The following B3GALT1 variants were observed in gnomAD, a reference collection of about 807,000 sequenced individuals.
B3GALT1 encodes the protein UDP-Gal:betaGlcNAc beta 1,3-galactosyltransferase, polypeptide 1.
A neutral mutation model predicts 23.2 loss-of-function variants in B3GALT1; 10 were observed. The observed-to-expected ratio is 0.43, with a 90% CI of 0.27 to 0.73. The LOEUF is 0.73. B3GALT1 is among the 30% of genes least tolerant of loss of function. The probability of loss-of-function intolerance (pLI) is 0.21; values close to 1 mark genes in which losing one functional copy is unlikely to be tolerated. For missense variants in B3GALT1, 299 were observed against 405.4 expected, an observed-to-expected ratio of 0.74 and a Z score of 2.25; for synonymous variants, 156 against 141.5, an observed-to-expected ratio of 1.10 and a Z score of -0.73.
intron 4 of B3GALT1, among the ~76,000 whole-genome samples, chr2:167,831,954 T>C (rs1485197530): frequency 1.3e-5 from 2 of 152,156 alleles, no homozygotes; most frequent in Non-Finnish European, 2.9e-5. Context: ...AAAACATGAA[T>C]CTGTGGCACT....
chr2:167,576,107 T>C (rs992582284), intron 2 of B3GALT1, among the ~76,000 whole-genome samples: 1 of 151,770 alleles, frequency 6.6e-6, no homozygotes, highest in Non-Finnish European at 1.5e-5. Flanking sequence ...GACTCTGATT[T>C]TTGTTCCAGG....
chr2:167,671,099 A>G (rs560701859), intron 3 of B3GALT1, among the ~76,000 whole-genome samples: 1 of 152,368 alleles, frequency 6.6e-6, no homozygotes, highest in South Asian at 2.1e-4. Flanking sequence ...GAAGGTCATC[A>G]TATAATGACA....
At chr2:167,507,056 TA>T (rs1388309906) in intron 2 of B3GALT1, among the ~76,000 whole-genome samples, 1 of 152,098 alleles carries the variant, frequency 6.6e-6, no homozygotes. Flanking sequence ...TTGTCAAGAC[TA>T]AAACCGTAAA....
chr2:167,735,691 C>A (rs1687481410), intron 3 of B3GALT1, among the ~76,000 whole-genome samples: 1 of 152,144 alleles, frequency 6.6e-6, no homozygotes, highest in African/African-American at 2.4e-5. Context: ...TGAAATAATG[C>A]ATAATGATTC....
At chr2:167,684,418 G>A (rs1686583194) in intron 3 of B3GALT1, among the ~76,000 whole-genome samples, 1 of 152,164 alleles carries the variant, frequency 6.6e-6, no homozygotes, top group South Asian at 2.1e-4. Context: ...TGGAAAGCCA[G>A]ACAGCAACAA....
chr2:167,608,162 A>G (rs116126061), intron 2 of B3GALT1, among the ~76,000 whole-genome samples: 1,630 of 152,298 alleles, frequency 0.011, 34 homozygotes, highest in African/African-American at 0.037. Flanking sequence ...TATTATGATT[A>G]CTTGGTACCT....
At chr2:167,609,564 T>G (rs923807179) in intron 2 of B3GALT1, among the ~76,000 whole-genome samples, 4 of 152,136 alleles carry the variant, frequency 2.6e-5, no homozygotes, top group African/African-American at 9.7e-5. Context: ...TTCCAGTGGT[T>G]GTTACATACT....
chr2:167,692,091 G>A (rs72875092), intron 3 of B3GALT1, among the ~76,000 whole-genome samples: 15,906 of 152,140 alleles, frequency 0.1, 1,092 homozygotes, highest in Middle Eastern at 0.21. Flanking sequence ...CTGTGGCCAG[G>A]TGTATTTGCC....
intron 3 of B3GALT1, among the ~76,000 whole-genome samples, chr2:167,687,118 C>T (rs565962702): frequency 6.6e-6 from 1 of 152,204 alleles, no homozygotes; most frequent in South Asian, 2.1e-4. Context: ...GTGCTCTGAC[C>T]CTGAGTGACA....
At chr2:167,627,994 T>G (rs575077211) in intron 2 of B3GALT1, among the ~76,000 whole-genome samples, 41 of 151,896 alleles carry the variant, frequency 2.7e-4, no homozygotes, top group African/African-American at 9.9e-4. Context: ...TCTACCTGCC[T>G]CAATTCTTTG....
intron 2 of B3GALT1, among the ~76,000 whole-genome samples, chr2:167,585,103 T>C (rs529948228): frequency 6.6e-6 from 1 of 152,302 alleles, no homozygotes; most frequent in South Asian, 2.1e-4. Flanking sequence ...ACCAGTCATC[T>C]TATTAACAGG....
At chr2:167,492,813 T>A (rs947037686) in intron 2 of B3GALT1, among the ~76,000 whole-genome samples, 3 of 152,078 alleles carry the variant, frequency 2.0e-5, no homozygotes, top group Admixed American at 6.6e-5. Context: ...TGATCAAGAA[T>A]CTGAGGTTTT....
chr2:167,466,052 G>T (rs1250633695), intron 1 of B3GALT1, among the ~76,000 whole-genome samples: 1 of 152,126 alleles, frequency 6.6e-6, no homozygotes, highest in Non-Finnish European at 1.5e-5. Flanking sequence ...TCAGACCTTG[G>T]TGTCCCAACT....
chr2:167,853,669 A>G (rs1689946883), intron 4 of B3GALT1, among the ~76,000 whole-genome samples: 1 of 152,210 alleles, frequency 6.6e-6, no homozygotes, highest in Admixed American at 6.5e-5. Flanking sequence ...AAAAAGAATA[A>G]CAAGTTGTCA....
chr2:167,570,723 A>T (rs2105399845), intron 2 of B3GALT1, among the ~76,000 whole-genome samples: 1 of 152,016 alleles, frequency 6.6e-6, no homozygotes, highest in East Asian at 1.9e-4. Flanking sequence ...GAAAGATTTT[A>T]ATCAGTGTTC....
At chr2:167,835,427 T>C (rs1175968718) in intron 4 of B3GALT1, among the ~76,000 whole-genome samples, 3 of 152,206 alleles carry the variant, frequency 2.0e-5, no homozygotes, top group African/African-American at 7.2e-5. Flanking sequence ...GTCTCGCTGA[T>C]TGCTAGCACA....
chr2:167,730,249 T>C (rs1056333761), intron 3 of B3GALT1, among the ~76,000 whole-genome samples: 3 of 152,194 alleles, frequency 2.0e-5, no homozygotes, highest in Non-Finnish European at 4.4e-5. Context: ...CTACATTTTT[T>C]TTCAAGGTTG....
At chr2:167,714,654 C>G in intron 3 of B3GALT1, 3 of 1,613,862 alleles carry the variant, frequency 1.9e-6, no homozygotes, top group Non-Finnish European at 2.5e-6. Flanking sequence ...AGGTTTCTTT[C>G]AGCAGTCCGA....
chr2:167,317,059 G>C (rs145955999), intron 1 of B3GALT1, among the ~76,000 whole-genome samples: 1 of 152,224 alleles, frequency 6.6e-6, no homozygotes, highest in East Asian at 1.9e-4. Context: ...GTTAAGGATT[G>C]AGCGGGGTGG....
Sources: gnomAD v4.1 joint callset for allele counts (sites outside exome capture counted in the v4.1 genomes callset) on GRCh38, gnomAD v4.1.1 for gene constraint, MANE v1.5 for transcripts, NCBI Gene and HGNC (gene_info 2026-07-23, HGNC 2026-07-21) for gene names.